DDX4: variants seen among roughly 807,000 people sequenced by gnomAD.
The protein encoded by DDX4 is probable ATP-dependent RNA helicase DDX4.
Under a neutral mutation model 100.0 loss-of-function variants are expected in DDX4, and 25 were observed. The observed-to-expected ratio is 0.25, with a 90% CI of 0.18 to 0.35. The LOEUF (loss-of-function observed/expected upper bound fraction) is 0.35, where lower values mean the gene tolerates loss of function less well. DDX4 is among the 10% of genes least tolerant of loss of function. DDX4 has a pLI of 1.00. For synonymous variants in DDX4, 259 were observed against 275.7 expected, an observed-to-expected ratio of 0.94 and a Z score of 0.60; for missense variants, 635 against 882.4, an observed-to-expected ratio of 0.72 and a Z score of 3.55.
chr5:55,787,654 T>C (rs1742325281), intron 14 of DDX4, among the ~76,000 whole-genome samples, 192 bp from the exon 15 acceptor site: 1 of 152,336 alleles, frequency 6.6e-6, no homozygotes, highest in Middle Eastern at 3.4e-3. Context: ...CCAAATTTTA[T>C]ATTGTATAAT....
intron 18 of DDX4, among the ~76,000 whole-genome samples, chr5:55,807,215 G>T (rs153509): frequency 0.31 from 47,651 of 151,876 alleles, 8,200 homozygotes; most frequent in East Asian, 0.44. Flanking sequence ...CCTATGTGTG[G>T]CTCTGCACAT....
intron 17 of DDX4, among the ~76,000 whole-genome samples, chr5:55,794,328 C>CA (rs1304530082): frequency 6.6e-6 from 1 of 151,438 alleles, no homozygotes; most frequent in African/African-American, 2.4e-5. Context: ...GCTGGGATTA[C>CA]AGGCGCCTGC....
At chr5:55,763,412 A>T (rs3910965) in intron 5 of DDX4, among the ~76,000 whole-genome samples, 160 bp downstream of exon 5, 3,672 of 152,262 alleles carry the variant, frequency 0.024, 57 homozygotes, top group South Asian at 0.051. Context: ...AAAACTTATT[A>T]AAAACATTTT....
At chr5:55,740,769 T>G (rs2150802257) in intron 2 of DDX4, among the ~76,000 whole-genome samples, 1 of 151,462 alleles carries the variant, frequency 6.6e-6, no homozygotes. Context: ...ATCCTCCCAC[T>G]TTGGCCTCCC....
At chr5:55,814,224 A>G (rs548013574) in intron 19 of DDX4, among the ~76,000 whole-genome samples, 2 of 152,358 alleles carry the variant, frequency 1.3e-5, no homozygotes, top group South Asian at 4.1e-4. Flanking sequence ...GTGAAATTAT[A>G]CTTTAAAAAT....
intron 18 of DDX4, among the ~76,000 whole-genome samples, chr5:55,807,173 T>C (rs327257): frequency 0.29 from 44,604 of 152,042 alleles, 7,397 homozygotes; most frequent in African/African-American, 0.46. Context: ...TCCATTTGCT[T>C]GGTAGATCTT....
chr5:55,741,946 G>T (rs1759001345), intron 2 of DDX4: 1 of 285,552 alleles, frequency 3.5e-6, no homozygotes, highest in African/African-American at 2.2e-5. Context: ...TTTTATAGCG[G>T]CTTTATCTGT....
chr5:55,747,317 G>A (rs1319108240), intron 3 of DDX4, among the ~76,000 whole-genome samples: 4 of 152,214 alleles, frequency 2.6e-5, no homozygotes, highest in African/African-American at 9.6e-5. Flanking sequence ...GGTGGAGGTT[G>A]CAGTAAGTCG....
At chr5:55,755,263 A>C (rs1046965218) in intron 3 of DDX4, among the ~76,000 whole-genome samples, 8 of 152,140 alleles carry the variant, frequency 5.3e-5, no homozygotes, top group Non-Finnish European at 1.2e-4. Flanking sequence ...AATGCTCCCA[A>C]ATTTTTATAA....
At chr5:55,787,242 T>G (rs968214383) in intron 14 of DDX4, among the ~76,000 whole-genome samples, 1 of 152,172 alleles carries the variant, frequency 6.6e-6, no homozygotes, top group African/African-American at 2.4e-5. Flanking sequence ...TCAGCCTTCA[T>G]AGTAGAATTG....
At chr5:55,800,224 A>G (rs1300881973) in intron 18 of DDX4, among the ~76,000 whole-genome samples, 3 of 152,188 alleles carry the variant, frequency 2.0e-5, no homozygotes, top group African/African-American at 7.2e-5. Context: ...AGAGAGGTCA[A>G]ATAACTTGTC....
Position 55,814,970 on chromosome 5 carries a change from T to G in DDX4, c.1785T>G (p.Val595=), listed in dbSNP as rs202192492. ...DFRFGKCPVL[V]ATSVAARGLD... ...GCTTTGGAAAGTGCCCAGTTCTTGTTGCTACTTCAGTAGCTGCCAGAGGGC... is the reference window on the plus strand; with the variant it reads ...GCTTTGGAAAGTGCCCAGTTCTTGTGGCTACTTCAGTAGCTGCCAGAGGGC... The change falls in exon 20 of 22, where the codon GTT becomes GTG. Residue 595 remains valine, a synonymous_variant. Coordinates refer to ENST00000505374, the MANE Select transcript of DDX4 (RefSeq NM_024415.3). 61 of 1,614,070 alleles carry G rather than the reference T, an allele frequency of 3.8e-5. No individual in the cohort carries two copies. Among genetic ancestry groups the G allele is most frequent in the Non-Finnish European group, 5.0e-5 (59 of 1,179,974 alleles).
intron 4 of DDX4, among the ~76,000 whole-genome samples, chr5:55,760,843 G>A (rs1740488048): frequency 6.6e-6 from 1 of 152,068 alleles, no homozygotes; most frequent in South Asian, 2.1e-4. Context: ...AGAAATATGT[G>A]CTATATTTTA....
rs757015114 is a variant in DDX4 at position 55,763,233 on chromosome 5, A to G, written c.264A>G (p.Gly88=). 5 of 1,610,374 alleles carry G rather than the reference A, an allele frequency of 3.1e-6. No homozygotes were observed. The change falls in exon 5 of 22, where the codon GGA becomes GGG. Residue 88 remains glycine (G), a synonymous_variant. Coordinates refer to ENST00000505374, the MANE Select transcript of DDX4 (RefSeq NM_024415.3). Reference sequence around the variant, plus strand: ...CCACAATGGGTGGTTTTGGAGTTGGAAAGAGTTTTGGAAACAGAGGTAATT... The same window carrying G: ...CCACAATGGGTGGTTTTGGAGTTGGGAAGAGTTTTGGAAACAGAGGTAATT... ...NTSTMGGFGV[G]KSFGNRGFSN...
At chr5:55,781,342 G>A (rs1249950263) in intron 9 of DDX4, among the ~76,000 whole-genome samples, 196 bp downstream of exon 9, 1 of 152,174 alleles carries the variant, frequency 6.6e-6, no homozygotes, top group Non-Finnish European at 1.5e-5. Flanking sequence ...TTTATTCTGT[G>A]TTATCTACCA....
At chr5:55,813,296 A>T (rs1011795649) in intron 18 of DDX4, among the ~76,000 whole-genome samples, 1 of 152,222 alleles carries the variant, frequency 6.6e-6, no homozygotes, top group African/African-American at 2.4e-5. Context: ...AGATTGGATT[A>T]TCTTGAGAGG....
intron 2 of DDX4, among the ~76,000 whole-genome samples, chr5:55,743,361 C>A (rs189211008): frequency 7.9e-5 from 12 of 152,280 alleles, no homozygotes; most frequent in African/African-American, 2.9e-4. Context: ...AGGACTCATG[C>A]CGATAATCCA....
At chr5:55,770,853 T>C (rs1561492985) in intron 7 of DDX4, among the ~76,000 whole-genome samples, 1 of 152,216 alleles carries the variant, frequency 6.6e-6, no homozygotes, top group Non-Finnish European at 1.5e-5. Context: ...TTAATGTTCC[T>C]AAAACATAGC....
At chr5:55,778,936 C>T (rs1480602585) in intron 7 of DDX4, among the ~76,000 whole-genome samples, 4 of 151,032 alleles carry the variant, frequency 2.6e-5, no homozygotes, top group African/African-American at 7.3e-5. Context: ...CCATTTAGTT[C>T]GTAAAACTCT....
Sources: allele counts gnomAD v4.1 joint callset (sites outside exome capture counted in the v4.1 genomes callset), GRCh38; gene constraint gnomAD v4.1.1; transcripts MANE v1.5; gene names NCBI Gene and HGNC (gene_info 2026-07-23, HGNC 2026-07-21).